AUTS2: variants seen among roughly 807,000 people sequenced by gnomAD.
AUTS2 encodes the protein autism susceptibility gene 2 protein.
In AUTS2, 17 loss-of-function variants were observed where a neutral mutation model predicts 112.4. The observed-to-expected ratio is 0.15, with a 90% confidence interval of 0.10 to 0.23. The LOEUF (loss-of-function observed/expected upper bound fraction) is 0.23. Among genes scored for constraint, AUTS2 ranks in the 10% least tolerant of loss-of-function variants. The pLI is 1.00. For synonymous variants in AUTS2, 751 were observed against 702.7 expected, an observed-to-expected ratio of 1.07 and a Z score of -1.09; for missense variants, 1,510 against 1,701.6, an observed-to-expected ratio of 0.89 and a Z score of 1.98.
At chr7:70,356,366 G>T (rs989933977) in intron 4 of AUTS2, among the ~76,000 whole-genome samples, 3 of 149,336 alleles carry the variant, frequency 2.0e-5, no homozygotes, top group Non-Finnish European at 4.4e-5. Flanking sequence ...AATTTCTTCT[G>T]TTTCTTAGCT....
chr7:69,794,849 T>C (rs1316209749), intron 1 of AUTS2, among the ~76,000 whole-genome samples: 6 of 151,772 alleles, frequency 4.0e-5, no homozygotes, highest in Non-Finnish European at 8.8e-5. Flanking sequence ...TAGTAGGAGG[T>C]AGGACTATAC....
chr7:69,760,313 G>A (rs1187685918), intron 1 of AUTS2, among the ~76,000 whole-genome samples: 1 of 150,912 alleles, frequency 6.6e-6, no homozygotes, highest in East Asian at 2.0e-4. Context: ...AGGATTGCAG[G>A]TGTGAGTCAT....
chr7:70,305,696 G>T (rs1789462602), intron 4 of AUTS2, among the ~76,000 whole-genome samples: 1 of 152,190 alleles, frequency 6.6e-6, no homozygotes, highest in Non-Finnish European at 1.5e-5. Flanking sequence ...GACCTATGCT[G>T]ATCTCCTTGG....
chr7:70,337,911 A>C (rs1791069074), intron 4 of AUTS2, among the ~76,000 whole-genome samples: 1 of 152,212 alleles, frequency 6.6e-6, no homozygotes, highest in Admixed American at 6.5e-5. Flanking sequence ...CTTGCAGTGT[A>C]GTGTGACTCA....
At chr7:69,894,280 A>ATTTTT (rs1794654066) in intron 1 of AUTS2, among the ~76,000 whole-genome samples, 6 of 20,858 alleles carry the variant, frequency 2.9e-4, no homozygotes, top group African/African-American at 6.9e-4. Flanking sequence ...TTTTTTTTTA[A>ATTTTT]CAGATTTCTT....
chr7:70,409,703 T>C (rs1291971322), intron 4 of AUTS2, among the ~76,000 whole-genome samples: 1 of 152,180 alleles, frequency 6.6e-6, no homozygotes, highest in African/African-American at 2.4e-5. Flanking sequence ...AGCTGAGACG[T>C]TATACTAAAA....
intron 5 of AUTS2, among the ~76,000 whole-genome samples, chr7:70,550,326 G>A (rs957545684): frequency 1.1e-4 from 17 of 152,140 alleles, no homozygotes; most frequent in African/African-American, 4.1e-4. Context: ...TAGCATGTTA[G>A]TGTCGACCCA....
At chr7:70,544,719 A>C (rs1800698306) in intron 5 of AUTS2, among the ~76,000 whole-genome samples, 1 of 152,128 alleles carries the variant, frequency 6.6e-6, no homozygotes, top group Non-Finnish European at 1.5e-5. Context: ...TTCATTTCAG[A>C]GATGGGGCTT....
chr7:69,728,543 C>T lies in AUTS2; in HGVS notation c.309+128581C>T, dbSNP rs187863535. ...ACAAACATTGAGTCATCCATTCTTC[C>T]CAAGGGTAGGTAGTTCAGTCAGAAG... On this transcript the variant is annotated intron_variant, in intron 1 of 18. Transcript: ENST00000342771. 2.3e-3 allele frequency among the ~76,000 whole-genome samples: 349 copies of T among 152,054 alleles called. 1 individual carries two copies. Among genetic ancestry groups the T allele is most frequent in the Middle Eastern group, 0.017 (5 of 294 alleles).
In AUTS2 at chr7:69,599,972, A is replaced by AC. The variant is rs139318711; in HGVS notation, c.309+16dup. 60 of 1,610,314 alleles carry AC rather than the reference A, an allele frequency of 3.7e-5. No individual in the cohort carries two copies. Among genetic ancestry groups the AC allele is most frequent in the East Asian group, 6.7e-5 (3 of 44,682 alleles). ...TTTTGAAGCGCTGGAGGTAAGGGGG[A>AC]CCCCCCTTCCCCCGGGTTCCCTTTA... On this transcript the variant is annotated intron_variant, in intron 1 of 18. Transcript: ENST00000342771. This position sits in a 1 kb window ranked among gnomAD's most constrained non-coding sequence, Gnocchi z 7.0.
intron 1 of AUTS2, among the ~76,000 whole-genome samples, chr7:69,804,826 G>A (rs1219831502): frequency 6.6e-6 from 1 of 152,094 alleles, no homozygotes; most frequent in Non-Finnish European, 1.5e-5. Context: ...CATCATCTGG[G>A]AACTTGTTTG....
chr7:70,590,996 G>A (rs1224750770), intron 5 of AUTS2, among the ~76,000 whole-genome samples: 4 of 152,124 alleles, frequency 2.6e-5, no homozygotes, highest in African/African-American at 9.7e-5. Flanking sequence ...TGTAGTTAAG[G>A]TGTCATCTTT....
At chr7:70,510,343 G>T (rs1563004558) in intron 5 of AUTS2, among the ~76,000 whole-genome samples, 1 of 152,142 alleles carries the variant, frequency 6.6e-6, no homozygotes, top group African/African-American at 2.4e-5. Context: ...CATGGCCATT[G>T]AACTTAGCAA....
At chr7:70,256,812 T>C (rs1004323127) in intron 4 of AUTS2, among the ~76,000 whole-genome samples, 17 of 152,256 alleles carry the variant, frequency 1.1e-4, no homozygotes, top group African/African-American at 4.1e-4. Context: ...AGATTCATCA[T>C]GGACAGAGAT....
chr7:69,843,952 C>T (rs1002910114), intron 1 of AUTS2, among the ~76,000 whole-genome samples: 18 of 152,134 alleles, frequency 1.2e-4, no homozygotes, highest in Non-Finnish European at 5.9e-5. Context: ...TTCTGCTTTT[C>T]AAGTGGCCTG....
At chr7:69,806,103 T>A (rs1299504838) in intron 1 of AUTS2, among the ~76,000 whole-genome samples, 14 of 151,406 alleles carry the variant, frequency 9.2e-5, no homozygotes, top group Non-Finnish European at 1.6e-4. Flanking sequence ...ACGGTCTTGG[T>A]CTTGCTATGT....
chr7:70,117,132 T>C (rs866844168), intron 2 of AUTS2, among the ~76,000 whole-genome samples: 1 of 99,204 alleles, frequency 1.0e-5, no homozygotes, highest in Non-Finnish European at 2.2e-5. Flanking sequence ...TTTTTGTTTT[T>C]TTTTGTTTTT....
intron 5 of AUTS2, among the ~76,000 whole-genome samples, chr7:70,498,929 A>T (rs1798664687): frequency 6.6e-6 from 1 of 152,192 alleles, no homozygotes; most frequent in Admixed American, 6.5e-5. Flanking sequence ...GGCAGTGAAG[A>T]GACGCAGGGC....
At chr7:69,732,910 G>A (rs1038490716) in intron 1 of AUTS2, among the ~76,000 whole-genome samples, 5 of 152,186 alleles carry the variant, frequency 3.3e-5, no homozygotes, top group African/African-American at 1.2e-4. Context: ...TCTCATAGGA[G>A]AGTAGAGTGC....
Sources: allele counts gnomAD v4.1 joint callset (sites outside exome capture counted in the v4.1 genomes callset), GRCh38; gene constraint gnomAD v4.1.1; non-coding constraint Gnocchi (gnomAD v3.1); transcripts MANE v1.5; gene names NCBI Gene and HGNC (gene_info 2026-07-23, HGNC 2026-07-21).